Variants in GLYATL1 observed in about 807,000 individuals in gnomAD.
The protein encoded by GLYATL1 is glycine N-acyltransferase-like protein 1.
GLYATL1 carries 15 observed loss-of-function variants against 20.0 expected under a neutral mutation model. That is an observed-to-expected ratio of 0.75 (90% CI 0.50 to 1.15). The LOEUF (loss-of-function observed/expected upper bound fraction) is 1.15, where lower values mean the gene tolerates loss of function less well. Among genes scored for constraint, GLYATL1 ranks in the 50% most tolerant of loss-of-function variants. GLYATL1 has a pLI of 0.00. For synonymous variants in GLYATL1, 151 were observed against 131.5 expected, an observed-to-expected ratio of 1.15 and a Z score of -1.01; for missense variants, 380 against 368.5, an observed-to-expected ratio of 1.03 and a Z score of -0.26.
At chr11:58,927,258 C>G (rs1855448628), upstream of GLYATL1, among the ~76,000 whole-genome samples, 1 of 152,204 alleles carries the variant, frequency 6.6e-6, no homozygotes, top group Admixed American at 6.5e-5. Context: ...AGAGAGATAA[C>G]AGCAGTGGCT....
At position 58,956,067 on chromosome 11, in the gene GLYATL1, T is replaced by C. The variant is rs367741259; in HGVS notation, c.*40T>C. 4 of 1,549,416 alleles carry C rather than the reference T, an allele frequency of 2.6e-6. No individual in the cohort carries two copies. In the African/African-American group the frequency reaches 5.5e-5, roughly 21 times the overall value. ...TAGTAATCTCTGCCAAGCCATCTCT[T>C]AATATTAAAGCAGACACCACAGAAT... On this transcript the variant is annotated 3_prime_UTR_variant, in exon 7 of 7. Transcript: ENST00000532726.
intron 1 of GLYATL1, 174 bp from the exon 2 acceptor site, chr11:58,943,369 C>A (rs1392816302): frequency 6.5e-7 from 1 of 1,546,788 alleles, no homozygotes; most frequent in Non-Finnish European, 8.7e-7. Context: ...TACCTGATTT[C>A]TGGTTCCTGT....
At chr11:58,906,327 CA>C (rs1854883250) in intron 1 of GLYATL1, among the ~76,000 whole-genome samples, 1 of 152,208 alleles carries the variant, frequency 6.6e-6, no homozygotes, top group Non-Finnish European at 1.5e-5. Context: ...TCCTGAATCT[CA>C]AGAGTGTCGT....
chr11:58,915,043 G>A (rs571472690), intron 1 of GLYATL1, among the ~76,000 whole-genome samples: 5 of 152,238 alleles, frequency 3.3e-5, no homozygotes, highest in Admixed American at 6.5e-5. Flanking sequence ...TCCTGTCCTG[G>A]CCCTTAGTCA....
chr11:58,910,666 A>G (rs1356193317), downstream of GLYATL1, among the ~76,000 whole-genome samples: 1 of 152,196 alleles, frequency 6.6e-6, no homozygotes, highest in Non-Finnish European at 1.5e-5. Context: ...AAAATGATGG[A>G]GGCAACAAAG....
intron 1 of GLYATL1, among the ~76,000 whole-genome samples, chr11:58,922,618 T>A (rs1396747679): frequency 6.6e-6 from 1 of 152,178 alleles, no homozygotes; most frequent in Non-Finnish European, 1.5e-5. Flanking sequence ...TTAGCCTTGG[T>A]AAAGGGTGGT....
intron 1 of GLYATL1, among the ~76,000 whole-genome samples, chr11:58,930,286 C>T (rs77865315): frequency 0.025 from 3,865 of 152,164 alleles, 80 homozygotes; most frequent in East Asian, 0.058. Context: ...AATAATGAAT[C>T]GTTATAAGTA....
downstream of GLYATL1, among the ~76,000 whole-genome samples, chr11:58,909,343 T>A (rs1299055926): frequency 1.3e-5 from 2 of 152,148 alleles, no homozygotes; most frequent in Admixed American, 1.3e-4. Context: ...TTAACAATAT[T>A]GTATACTTAA....
chr11:58,906,973 A>G (rs1318420523), intron 1 of GLYATL1, among the ~76,000 whole-genome samples: 1 of 152,168 alleles, frequency 6.6e-6, no homozygotes, highest in Non-Finnish European at 1.5e-5. Context: ...ATCCTTTTTT[A>G]AAAAGCTCAG....
At chr11:58,936,794 C>T (rs1855856178), upstream of GLYATL1, among the ~76,000 whole-genome samples, 2 of 152,176 alleles carry the variant, frequency 1.3e-5, no homozygotes, top group African/African-American at 4.8e-5. Context: ...GCCAAGAAAG[C>T]ATGTCCTGTG....
intron 4 of GLYATL1, among the ~76,000 whole-genome samples, chr11:58,948,742 G>A (rs1565132521): frequency 6.6e-6 from 1 of 152,202 alleles, no homozygotes; most frequent in South Asian, 2.1e-4. Flanking sequence ...TCTCGTTAGT[G>A]AATGTTATCA....
intron 2 of GLYATL1, among the ~76,000 whole-genome samples, chr11:58,945,773 A>G (rs1214762495): frequency 1.3e-5 from 2 of 152,134 alleles, no homozygotes; most frequent in Non-Finnish European, 2.9e-5. Context: ...AGAGTCAGAC[A>G]GGGGATAGGC....
chr11:58,907,452 A>G (rs1854926118), exon 2 of GLYATL1: 2 of 437,734 alleles, frequency 4.6e-6, no homozygotes, highest in East Asian at 7.2e-5. Flanking sequence ...CTTGCAAACC[A>G]TTATTTCATG....
At chr11:58,906,407 A>C (rs1854886807) in intron 1 of GLYATL1, among the ~76,000 whole-genome samples, 1 of 152,188 alleles carries the variant, frequency 6.6e-6, no homozygotes, top group African/African-American at 2.4e-5. Context: ...GGTTCGGTTA[A>C]GCAGAGCAGA....
intron 1 of GLYATL1, among the ~76,000 whole-genome samples, chr11:58,930,610 C>G (rs966405423): frequency 6.6e-6 from 1 of 151,964 alleles, no homozygotes; most frequent in Non-Finnish European, 1.5e-5. Flanking sequence ...AAATGTAATA[C>G]CCCCCAAATT....
intron 2 of GLYATL1, chr11:58,946,757 G>C: frequency 2.2e-6 from 1 of 444,672 alleles, no homozygotes; most frequent in East Asian, 4.5e-5. Flanking sequence ...TTCTGTTACA[G>C]GCATTTGGGA....
At chr11:58,906,065 C>A (rs6591500) in intron 1 of GLYATL1, among the ~76,000 whole-genome samples, 42,324 of 152,080 alleles carry the variant, frequency 0.28, 6,349 homozygotes, top group Middle Eastern at 0.36. Context: ...GAATCGGGAG[C>A]AGCGGGCACT....
rs546230321 is a variant in GLYATL1, at chr11:58,933,355, C to T, written c.-212+5526C>T. ...CTATTCCTATAATCTCAGCTCATTC[C>T]ATTGTACCTACCTACTAAATGATCC... On this transcript the variant is annotated intron_variant, in intron 1 of 7. Transcript: ENST00000317391. Among the ~76,000 whole-genome samples the T allele has an allele frequency of 3.3e-5, 5 of 152,280 alleles. 1 individual carries two copies. Among genetic ancestry groups the T allele is most frequent in the African/African-American group, 1.2e-4 (5 of 41,544 alleles).
At position 58,954,787 on chromosome 11, in the gene GLYATL1, G is replaced by GGATTCAT; in HGVS notation, c.205_211dup (p.Tyr71Ter). On this transcript the variant is annotated frameshift_variant, in exon 5 of 7. Coordinates refer to ENST00000532726, the MANE Select transcript of GLYATL1 (RefSeq NM_001389712.2). LOFTEE classifies it high-confidence loss of function. ...CAATACAGGAGATGACTGATGACAT[G>GGATTCAT]GATTCATACACAAACGTATATCGTA... 6.2e-7 allele frequency: 1 copy of GGATTCAT among 1,605,732 alleles called. No homozygotes were observed. Among genetic ancestry groups the GGATTCAT allele is most frequent in the Non-Finnish European group, 8.5e-7 (1 of 1,177,532 alleles).
Sources: gnomAD v4.1 joint callset for allele counts (sites outside exome capture counted in the v4.1 genomes callset) on GRCh38, gnomAD v4.1.1 for gene constraint, MANE v1.5 for transcripts, NCBI Gene and HGNC (gene_info 2026-07-23, HGNC 2026-07-21) for gene names.